RBMS2: variants seen among roughly 807,000 people sequenced by gnomAD.
RBMS2 encodes the protein RNA-binding motif, single-stranded-interacting protein 2.
Under a neutral mutation model 58.4 loss-of-function variants are expected in RBMS2, and 38 were observed. The ratio of observed to expected loss-of-function variants is 0.65; its 90% CI spans 0.50 to 0.85. The LOEUF (loss-of-function observed/expected upper bound fraction) is 0.85. Ranked by LOEUF, RBMS2 falls within the 40% of genes least tolerant of loss-of-function variation. The probability of loss-of-function intolerance (pLI) is 0.00; values close to 1 mark genes in which losing one functional copy is unlikely to be tolerated. For missense variants in RBMS2, 367 were observed against 503.7 expected (o/e 0.73, Z 2.60); for synonymous variants, 151 against 180.7 (o/e 0.84, Z 1.32).
intron 1 of RBMS2, 129 bp from the exon 2 acceptor site, chr12:56,562,288 T>C: frequency 1.2e-6 from 1 of 827,832 alleles, no homozygotes; most frequent in Non-Finnish European, 1.9e-6. Context: ...AAACTATGTG[T>C]GTCCAAGTGA....
Position 56,569,895 on chromosome 12 carries a change from C to G in RBMS2, c.293-4C>G, listed in dbSNP as rs1881998832. On this transcript the variant is annotated splice_polypyrimidine_tract_variant and splice_region_variant and intron_variant, in intron 3 of 13. Coordinates refer to ENST00000262031, the MANE Select transcript of RBMS2 (RefSeq NM_002898.4). Reference sequence around the variant, plus strand: ...TCCTAGTGATGCTGTTTCCTCTGTTCCAGGCTATGGCTTTGTAGATTTTGA... The same window carrying G: ...TCCTAGTGATGCTGTTTCCTCTGTTGCAGGCTATGGCTTTGTAGATTTTGA... 6.2e-7 allele frequency: 1 copy of G among 1,610,632 alleles called. No homozygotes were observed. The highest frequency in any genetic ancestry group is 1.3e-5 in the African/African-American group (1 of 74,836).
chr12:56,587,544 C>G lies in RBMS2; in HGVS notation c.952-10C>G. On this transcript the variant is annotated splice_polypyrimidine_tract_variant and intron_variant, in intron 10 of 13. Transcript: ENST00000262031. ...CTGCAGCTAACCCTGTCCTTTGTTG[C>G]TGCCTCTAGGGTTCAGTTCTGACAC... is the stretch of plus-strand genomic sequence containing the variant. 1 of 1,612,382 alleles carries G rather than the reference C, an allele frequency of 6.2e-7. No homozygotes were observed. Among genetic ancestry groups the G allele is most frequent in the Non-Finnish European group, 8.5e-7 (1 of 1,179,004 alleles).
At chr12:56,566,809 ACT>A (rs1334610545) in intron 2 of RBMS2, among the ~76,000 whole-genome samples, 1 of 152,102 alleles carries the variant, frequency 6.6e-6, no homozygotes, top group Middle Eastern at 3.2e-3. Context: ...CAAGAGTGAA[ACT>A]CTGTTTCAGA....
At chr12:56,571,993 A>T (rs935620975) in intron 5 of RBMS2, 138 bp downstream of exon 5, 22 of 1,038,762 alleles carry the variant, frequency 2.1e-5, no homozygotes, top group Middle Eastern at 6.4e-4. Flanking sequence ...ATGGTAAGTC[A>T]AAAGTTCATT....
chr12:56,546,488 C>CA (rs35506034), intron 1 of RBMS2, among the ~76,000 whole-genome samples: 3 of 147,590 alleles, frequency 2.0e-5, no homozygotes, highest in African/African-American at 7.5e-5. Flanking sequence ...ATTTTATATA[C>CA]AAAAAATATA....
Position 56,565,664 on chromosome 12 carries a change from G to A in RBMS2, c.233+3081G>A, listed in dbSNP as rs1881217411. Among the ~76,000 whole-genome samples the A allele has an allele frequency of 2.6e-5, 4 of 152,184 alleles. No individual in the cohort carries two copies. In the South Asian group the frequency reaches 8.3e-4, roughly 32 times the overall value. Reference sequence around the variant, plus strand: ...ACTAGGAGGCTGAGCAGAGCAGGTGGGTGGAGCCCTCTGTCCGCTGTGAGC... The same window carrying A: ...ACTAGGAGGCTGAGCAGAGCAGGTGAGTGGAGCCCTCTGTCCGCTGTGAGC... On this transcript the variant is annotated intron_variant, in intron 2 of 13. Coordinates refer to ENST00000262031, the MANE Select transcript of RBMS2 (RefSeq NM_002898.4).
At position 56,581,396 on chromosome 12, in the gene RBMS2, C is replaced by T; in HGVS notation, c.623-3C>T. The T allele has an allele frequency of 6.2e-7, 1 of 1,614,104 alleles. No homozygotes were observed. The highest frequency in any genetic ancestry group is 8.5e-7 in the Non-Finnish European group (1 of 1,179,940). ...GCTGCCCATCTGCCTTCTCTCTCGG[C>T]AGCCCCATCCGATCCCTTGCTTTGC... On this transcript the variant is annotated splice_region_variant and splice_polypyrimidine_tract_variant and intron_variant, in intron 6 of 13. Transcript: ENST00000262031.
At chr12:56,550,845 A>AAAAT (rs1256547184) in intron 1 of RBMS2, among the ~76,000 whole-genome samples, 3 of 151,514 alleles carry the variant, frequency 2.0e-5, no homozygotes, top group East Asian at 1.9e-4. Flanking sequence ...CTGTATCAAA[A>AAAAT]AAATAAATAA....
At chr12:56,525,379 G>A (rs191048646) in intron 1 of RBMS2, among the ~76,000 whole-genome samples, 20 of 151,730 alleles carry the variant, frequency 1.3e-4, no homozygotes, top group African/African-American at 4.3e-4. Flanking sequence ...GCGCCACCAG[G>A]CCCAGCTAAA....
chr12:56,570,355 A>G (rs1882080950), intron 4 of RBMS2, among the ~76,000 whole-genome samples: 1 of 152,034 alleles, frequency 6.6e-6, no homozygotes, highest in African/African-American at 2.4e-5. Flanking sequence ...CAATTGTGCA[A>G]CTCAGAATTT....
chr12:56,589,108 C>T (rs547065887), intron 13 of RBMS2, 32 bp from the exon 14 acceptor site: 2 of 1,595,022 alleles, frequency 1.3e-6, no homozygotes, highest in African/African-American at 2.7e-5. Flanking sequence ...TCATGTTTGT[C>T]TTGTCTCCTC....
intron 1 of RBMS2, among the ~76,000 whole-genome samples, chr12:56,562,076 G>A (rs1880532854): frequency 6.6e-6 from 1 of 152,174 alleles, no homozygotes; most frequent in African/African-American, 2.4e-5. Context: ...CCAAAGTGCT[G>A]GGATTACAGG....
rs531199759 is a variant in RBMS2, at chr12:56,521,872, C to T, written c.-152C>T. ...CCCCCTTCATCTCTCTCCTCCTGCT[C>T]CTTTTCTCCTCCTTTCTCCTCCCCC... is the stretch of plus-strand genomic sequence containing the variant. On this transcript the variant is annotated 5_prime_UTR_variant, in exon 1 of 14. Coordinates refer to ENST00000262031, the MANE Select transcript of RBMS2 (RefSeq NM_002898.4). 5.6e-5 allele frequency: 28 copies of T among 500,746 alleles called. No homozygotes were observed. Among genetic ancestry groups the T allele is most frequent in the Non-Finnish European group, 8.4e-5 (24 of 284,414 alleles). The allele number at this position is 500,746 out of a possible 1,614,324, so 31.0% of individuals were successfully genotyped here.
At position 56,532,195 on chromosome 12, in the gene RBMS2, G is replaced by T. The variant is rs1297159376; in HGVS notation, c.66+10106G>T. 2.0e-5 allele frequency among the ~76,000 whole-genome samples: 3 copies of T among 151,744 alleles called. No individual in the cohort carries two copies. In the East Asian group the frequency reaches 5.8e-4, roughly 29 times the overall value. On this transcript the variant is annotated intron_variant, in intron 1 of 13. Coordinates refer to ENST00000262031, the MANE Select transcript of RBMS2 (RefSeq NM_002898.4). ...GATCGTGCCGTTGTACTCCAGCCTG[G>T]GCTACAAGAATGAAATTCTGTCTAA...
At chr12:56,526,649 C>T (rs1358346886) in intron 1 of RBMS2, among the ~76,000 whole-genome samples, 1 of 129,768 alleles carries the variant, frequency 7.7e-6, no homozygotes, top group Non-Finnish European at 1.6e-5. Context: ...TTTTAATGCC[C>T]TTCAGTAACT....
intron 2 of RBMS2, among the ~76,000 whole-genome samples, chr12:56,567,644 CT>C (rs1881594680): frequency 1.3e-5 from 2 of 151,964 alleles, no homozygotes; most frequent in Admixed American, 1.3e-4. Flanking sequence ...AAAGACCAGC[CT>C]GGGTAGCATA....
rs779979871 is a variant in RBMS2 at position 56,522,011 on chromosome 12, C to G, written c.-13C>G. ...TCTCTCTCTCTCGCTCGTTCCCTAA[C>G]ATTAAAGAGAAAATGCTGCTATCCG... On this transcript the variant is annotated 5_prime_UTR_variant, in exon 1 of 14. Transcript: ENST00000262031. 7.7e-6 allele frequency: 10 copies of G among 1,297,934 alleles called. No individual in the cohort carries two copies. The South Asian group carries it at 1.2e-4, about 15-fold the overall frequency. 80.4% of individuals were successfully genotyped at this position (1,297,934 alleles called of 1,614,324 possible).
At chr12:56,528,078 G>C (rs116924969) in intron 1 of RBMS2, 2,364 of 151,928 alleles carry the variant, frequency 0.016, 29 homozygotes, top group Non-Finnish European at 0.024. Flanking sequence ...GCAAAACCCT[G>C]TCTCTACAAA....
chr12:56,575,415 C>T (rs569574906), intron 5 of RBMS2, among the ~76,000 whole-genome samples: 2 of 151,946 alleles, frequency 1.3e-5, no homozygotes, highest in Non-Finnish European at 2.9e-5. Context: ...CTGGCCTGGG[C>T]TACAGAGTGA....
Sources: gnomAD v4.1 joint callset for allele counts (sites outside exome capture counted in the v4.1 genomes callset) on GRCh38, gnomAD v4.1.1 for gene constraint, MANE v1.5 for transcripts, NCBI Gene and HGNC (gene_info 2026-07-23, HGNC 2026-07-21) for gene names.